PEAK1: variants seen among roughly 807,000 people sequenced by gnomAD.
PEAK1 encodes pseudopodium enriched atypical kinase 1, also known as inactive tyrosine-protein kinase PEAK1.
In PEAK1, 54 loss-of-function variants were observed where a neutral mutation model predicts 124.7. The observed-to-expected ratio is 0.43, with a 90% CI of 0.35 to 0.54. The LOEUF is 0.54. Ranked by LOEUF, PEAK1 falls within the 20% of genes least tolerant of loss-of-function variation. The pLI is 0.01. For missense variants in PEAK1, 2,046 were observed against 2,134.5 expected, an observed-to-expected ratio of 0.96 and a Z score of 0.82; for synonymous variants, 719 against 760.0, an observed-to-expected ratio of 0.95 and a Z score of 0.89.
At chr15:77,186,268 T>C (rs2057542417) in intron 6 of PEAK1, among the ~76,000 whole-genome samples, 1 of 152,202 alleles carries the variant, frequency 6.6e-6, no homozygotes, top group Non-Finnish European at 1.5e-5. Context: ...AAACAGACTC[T>C]GATAAGAGTG....
intron 1 of PEAK1, chr15:77,381,316 G>A: frequency 1.2e-6 from 1 of 848,798 alleles, no homozygotes; most frequent in Non-Finnish European, 1.4e-6. Flanking sequence ...GTGGGAGACT[G>A]AGGCGAAAGC....
intron 2 of PEAK1, chr15:77,336,405 G>C: frequency 2.0e-6 from 2 of 985,404 alleles, no homozygotes; most frequent in Non-Finnish European, 2.4e-6. Flanking sequence ...CCACTCAGGA[G>C]TCCCTTCTGA....
At chr15:77,188,308 C>T (rs1024926313) in intron 6 of PEAK1, among the ~76,000 whole-genome samples, 2 of 152,196 alleles carry the variant, frequency 1.3e-5, no homozygotes, top group Admixed American at 6.5e-5. Flanking sequence ...CAGTTCACTG[C>T]TCCTGTCACA....
chr15:77,365,225 C>T lies in PEAK1; in HGVS notation c.-665G>A. 1 of 981,994 alleles carries T rather than the reference C, an allele frequency of 1.0e-6. No homozygotes were observed. Among genetic ancestry groups the T allele is most frequent in the Non-Finnish European group, 1.2e-6 (1 of 826,916 alleles). 60.8% of individuals were successfully genotyped at this position (981,994 alleles called of 1,614,324 possible). A position where few individuals can be genotyped will look rare whatever the true frequency, so the allele number is the denominator to read the frequency against. On this transcript the variant is annotated splice_region_variant and 5_prime_UTR_variant, in exon 2 of 10. Coordinates refer to ENST00000682557, the MANE Select transcript of PEAK1 (RefSeq NM_001385026.1). ...GCATAAGTTCCAGTTTGGGCAGATA[C>T]CTGAATTGTAAAAAACAAACAGAAA...
Position 77,182,038 on chromosome 15 carries a change from A to C in PEAK1, c.-112T>G, listed in dbSNP as rs1019209441. 2 of 1,443,110 alleles carry C rather than the reference A, an allele frequency of 1.4e-6. No homozygotes were observed. Among genetic ancestry groups the C allele is most frequent in the South Asian group, 3.3e-5 (2 of 60,108 alleles). 89.4% of individuals were successfully genotyped at this position (1,443,110 alleles called of 1,614,324 possible). The stretch of plus-strand genomic sequence containing the variant: ...TACAGCAGCTCTTCTAAGAATGATC[A>C]ATCTGTGGAGGGGAAAAGAAGACAA... On this transcript the variant is annotated splice_region_variant and 5_prime_UTR_variant, in exon 7 of 10. The change creates a new upstream start codon in the 5' untranslated region. Coordinates refer to ENST00000682557, the MANE Select transcript of PEAK1 (RefSeq NM_001385026.1).
chr15:77,336,462 T>A lies in PEAK1; in HGVS notation c.-603+28701A>T, dbSNP rs553665666. 1.5e-4 allele frequency: 145 copies of A among 985,398 alleles called. No individual in the cohort carries two copies. The African/African-American group carries it at 2.4e-3, about 17-fold the overall frequency. 61.0% of individuals were successfully genotyped at this position (985,398 alleles called of 1,614,324 possible). A position where few individuals can be genotyped will look rare whatever the true frequency, so the allele number is the denominator to read the frequency against. On this transcript the variant is annotated intron_variant, in intron 2 of 9. Transcript: ENST00000682557. ...ACTTTGGTTTTATATTATTCACACA[T>A]AAATAATTTGGCCGTTTGCTAATCA... is the stretch of plus-strand genomic sequence containing the variant.
chr15:77,207,099 T>C (rs2058695820), intron 6 of PEAK1, among the ~76,000 whole-genome samples: 1 of 152,178 alleles, frequency 6.6e-6, no homozygotes, highest in African/African-American at 2.4e-5. Context: ...CCTTACACCT[T>C]ATACAAAAAT....
At position 77,419,183 on chromosome 15, in the gene PEAK1, T is replaced by C. The variant is rs1374641625; in HGVS notation, c.-666+823A>G. ...AAACAACGAATCGCAAAAAGTAACA[T>C]TTAACAGGCCAGAGGCAGGCGGGGG... On this transcript the variant is annotated intron_variant, in intron 1 of 9. Coordinates refer to ENST00000682557, the MANE Select transcript of PEAK1 (RefSeq NM_001385026.1). 3.0e-6 allele frequency: 3 copies of C among 985,082 alleles called. No individual in the cohort carries two copies. In the East Asian group the frequency reaches 3.4e-4, roughly 112 times the overall value. The allele number at this position is 985,082 out of a possible 1,614,324, so 61.0% of individuals were successfully genotyped here.
intron 6 of PEAK1, among the ~76,000 whole-genome samples, chr15:77,197,005 T>C (rs2058137729): frequency 1.3e-5 from 2 of 149,260 alleles, no homozygotes; most frequent in African/African-American, 4.9e-5. Flanking sequence ...TGTCTGCCAC[T>C]ATGCCTGGCT....
At chr15:77,364,549 C>T (rs1223181789) in intron 2 of PEAK1, among the ~76,000 whole-genome samples, 1 of 152,122 alleles carries the variant, frequency 6.6e-6, no homozygotes, top group Admixed American at 6.6e-5. Flanking sequence ...GAGAGACTTA[C>T]AACGATGTAT....
At position 77,402,494 on chromosome 15, in the gene PEAK1, CAT is replaced by C. The variant is rs994751735; in HGVS notation, c.-666+17510_-666+17511del. 2.3e-4 allele frequency: 223 copies of C among 970,782 alleles called. 1 individual carries two copies. In the African/African-American group the frequency reaches 3.3e-3, roughly 14 times the overall value. 60.1% of individuals were successfully genotyped at this position (970,782 alleles called of 1,614,324 possible). On this transcript the variant is annotated intron_variant, in intron 1 of 9. Coordinates refer to ENST00000682557, the MANE Select transcript of PEAK1 (RefSeq NM_001385026.1). ...TATTTTCTCAATATTTAAAATATTA[CAT>C]GTTAAAATTATTAGTATATAATTAT... is the stretch of plus-strand genomic sequence containing the variant.
intron 7 of PEAK1, among the ~76,000 whole-genome samples, chr15:77,167,902 G>A (rs1210104942): frequency 3.4e-5 from 5 of 149,136 alleles, no homozygotes; most frequent in African/African-American, 1.2e-4. Flanking sequence ...CCCACCCCAC[G>A]ACAGGCCCCG....
intron 6 of PEAK1, among the ~76,000 whole-genome samples, chr15:77,204,334 T>G (rs1301690602): frequency 6.6e-6 from 1 of 152,224 alleles, no homozygotes; most frequent in Non-Finnish European, 1.5e-5. Context: ...GAAGACAGTA[T>G]GGCAGTTTCT....
chr15:77,420,892 G>T, upstream of PEAK1: 3 of 398,836 alleles, frequency 7.5e-6, no homozygotes, highest in Non-Finnish European at 1.3e-5. Flanking sequence ...TTGTCCAGCT[G>T]TGAGACGACG....
Position 77,225,668 on chromosome 15 carries a change from A to ATATG in PEAK1, c.-115+26698_-115+26699insCATA, listed in dbSNP as rs1333242268. 2.8e-5 allele frequency among the ~76,000 whole-genome samples: 3 copies of ATATG among 106,878 alleles called. No homozygotes were observed. The East Asian group carries it at 7.3e-4, about 26-fold the overall frequency. 70.1% of individuals were successfully genotyped at this position (106,878 alleles called of 152,430 possible). Reference sequence around the variant, plus strand: ...GTGTGTGTGTGTGTGTGTATAATTTATATATATATATATATATATATATAT... The same window carrying ATATG: ...GTGTGTGTGTGTGTGTGTATAATTTATATGTATATATATATATATATATATATAT... On this transcript the variant is annotated intron_variant, in intron 6 of 9. Transcript: ENST00000682557.
intron 1 of PEAK1, chr15:77,403,355 AT>A (rs1440735098): frequency 6.5e-6 from 6 of 929,624 alleles, no homozygotes; most frequent in South Asian, 5.0e-5. Context: ...TTAGAAATAT[AT>A]TTATTTACAG....
intron 5 of PEAK1, among the ~76,000 whole-genome samples, chr15:77,255,730 A>C (rs117726426): frequency 0.017 from 2,542 of 152,270 alleles, 35 homozygotes; most frequent in Middle Eastern, 0.027. Context: ...ATGCATAATA[A>C]TTCTTCTAAA....
At chr15:77,227,410 A>T (rs2059726420) in intron 6 of PEAK1, among the ~76,000 whole-genome samples, 1 of 152,168 alleles carries the variant, frequency 6.6e-6, no homozygotes. Flanking sequence ...CATAATATGA[A>T]AATGAACAAC....
intron 6 of PEAK1, among the ~76,000 whole-genome samples, chr15:77,189,126 G>A (rs990570642): frequency 6.6e-6 from 1 of 152,068 alleles, no homozygotes; most frequent in Non-Finnish European, 1.5e-5. Flanking sequence ...ACTTGAACCT[G>A]GGAGGGGGAG....
Sources: gnomAD v4.1 joint callset for allele counts (sites outside exome capture counted in the v4.1 genomes callset) on GRCh38, gnomAD v4.1.1 for gene constraint, MANE v1.5 for transcripts, NCBI Gene and HGNC (gene_info 2026-07-23, HGNC 2026-07-21) for gene names.